Variants in VAC14 observed in about 807,000 individuals in gnomAD.
VAC14 encodes the protein protein VAC14 homolog.
A neutral mutation model predicts 85.3 loss-of-function variants in VAC14; 47 were observed. The ratio of observed to expected loss-of-function variants is 0.55; its 90% CI spans 0.44 to 0.70. VAC14 has a LOEUF of 0.70. VAC14 is among the 30% of genes least tolerant of loss of function. VAC14 has a pLI of 0.00. For synonymous variants in VAC14, 447 were observed against 430.5 expected (o/e 1.04, Z -0.47); for missense variants, 861 against 1,004.3 (o/e 0.86, Z 1.93).
chr16:70,689,330 C>G, intron 18 of VAC14: 1 of 985,454 alleles, frequency 1.0e-6, no homozygotes, highest in Non-Finnish European at 1.2e-6. Context: ...CAACGTGAGG[C>G]CAGCCGGGGC....
chr16:70,764,835 C>G (rs536693544), intron 10 of VAC14, among the ~76,000 whole-genome samples: 2 of 152,234 alleles, frequency 1.3e-5, no homozygotes, highest in African/African-American at 4.8e-5. Flanking sequence ...CAACAGTCCA[C>G]GCCAGGACTT....
chr16:70,694,675 T>C, intron 17 of VAC14, among the ~76,000 whole-genome samples: 1 of 152,226 alleles, frequency 6.6e-6, no homozygotes, highest in Non-Finnish European at 1.5e-5. Flanking sequence ...CCTCCTGGCT[T>C]CTCTGCACAT....
chr16:70,745,642 G>T (rs2030820603), intron 12 of VAC14, among the ~76,000 whole-genome samples: 1 of 152,196 alleles, frequency 6.6e-6, no homozygotes, highest in African/African-American at 2.4e-5. Flanking sequence ...GTGGTCGCCT[G>T]CTCTTTCTGC....
intron 18 of VAC14, chr16:70,691,560 T>C (rs1271900452): frequency 2.0e-6 from 2 of 985,376 alleles, no homozygotes; most frequent in African/African-American, 3.5e-5. Flanking sequence ...CTGGGGACAC[T>C]GCATCAGGTG....
At chr16:70,721,108 C>T (rs1332194735) in intron 14 of VAC14, among the ~76,000 whole-genome samples, 1 of 152,154 alleles carries the variant, frequency 6.6e-6, no homozygotes, top group East Asian at 1.9e-4. Flanking sequence ...GAGATTCAGA[C>T]CTGGAGAGAT....
Position 70,772,148 on chromosome 16 carries a change from G to C in VAC14, c.1121C>G (p.Ser374Cys). The C allele has an allele frequency of 6.2e-7, 1 of 1,614,130 alleles. No homozygotes were observed. Among genetic ancestry groups the C allele is most frequent in the Non-Finnish European group, 8.5e-7 (1 of 1,180,020 alleles). Residue 374 changes from serine to cysteine, a missense_variant, in exon 10 of 19, where the codon TCC becomes TGC. Ser to Cys is a moderately radical substitution (Grantham distance 112). Transcript: ENST00000261776. ...ASGGPDGSCDSSFSSGISVFT... is the reference protein window; with the variant it reads ...ASGGPDGSCDCSFSSGISVFT... ...GACACTGATGCCGCTACTGAAGCTG[G>C]AGTCACAGGAACCATCTGGACCTCC...
chr16:70,741,815 G>A (rs1172051890), intron 13 of VAC14, among the ~76,000 whole-genome samples: 1 of 152,222 alleles, frequency 6.6e-6, no homozygotes, highest in African/African-American at 2.4e-5. Context: ...CCATAGCCTC[G>A]TTCATGGCCT....
At chr16:70,711,346 G>A (rs554056164) in intron 14 of VAC14, among the ~76,000 whole-genome samples, 143 of 152,326 alleles carry the variant, frequency 9.4e-4, no homozygotes, top group Non-Finnish European at 1.3e-3. Context: ...GAGAGGATGG[G>A]TGGCAGCAGG....
In VAC14 at chr16:70,762,584, G is replaced by C. The variant is rs773245636; in HGVS notation, c.1327C>G (p.Leu443Val). Reference sequence around the variant, plus strand: ...AACGTCTGCAGTAGGATGGGAAAGAGGCTGTCCGTGTGCCGGAACATCTGG... The same window carrying C: ...AACGTCTGCAGTAGGATGGGAAAGACGCTGTCCGTGTGCCGGAACATCTGG... ...PRKMFRHTDS[L>V]FPILLQTLSD... Residue 443 changes from leucine to valine, a missense_variant, in exon 12 of 19, where the codon CTC becomes GTC. Leu to Val is a conservative substitution (Grantham distance 32). Coordinates refer to ENST00000261776, the MANE Select transcript of VAC14 (RefSeq NM_018052.5). The surrounding 1 kb of genome is among the most constrained non-coding windows in gnomAD (Gnocchi z 4.1). 1.9e-6 allele frequency: 3 copies of C among 1,614,178 alleles called. No homozygotes were observed. The highest frequency in any genetic ancestry group is 2.5e-6 in the Non-Finnish European group (3 of 1,180,010).
chr16:70,790,344 G>T (rs1268622318), intron 1 of VAC14, among the ~76,000 whole-genome samples: 1 of 152,126 alleles, frequency 6.6e-6, no homozygotes, highest in Non-Finnish European at 1.5e-5. Flanking sequence ...TGGTTTGGCA[G>T]AAAGAAAAGC....
At chr16:70,776,217 C>T (rs1414839407) in intron 9 of VAC14, among the ~76,000 whole-genome samples, 1 of 152,206 alleles carries the variant, frequency 6.6e-6, no homozygotes, top group African/African-American at 2.4e-5. Flanking sequence ...CCTCCTGCCT[C>T]AGTCTCCCAA....
intron 14 of VAC14, among the ~76,000 whole-genome samples, chr16:70,711,792 G>A (rs1189260201): frequency 6.6e-6 from 1 of 152,168 alleles, no homozygotes; most frequent in East Asian, 1.9e-4. Context: ...AACTGAGATG[G>A]CTTTCTCTAG....
At chr16:70,689,579 C>G in intron 18 of VAC14, 3 of 985,658 alleles carry the variant, frequency 3.0e-6, no homozygotes, top group Non-Finnish European at 3.6e-6. Flanking sequence ...CTCAGCTCTG[C>G]CTGCCCACAC....
chr16:70,776,395 C>A (rs560405368), intron 9 of VAC14, among the ~76,000 whole-genome samples: 1 of 152,200 alleles, frequency 6.6e-6, no homozygotes, highest in African/African-American at 2.4e-5. Flanking sequence ...CAGGCATGAG[C>A]CACTGCACCT....
At position 70,745,482 on chromosome 16, in the gene VAC14, A is replaced by AGTGTGTGT. The variant is rs145054065; in HGVS notation, c.1372-911_1372-904dup. On this transcript the variant is annotated intron_variant, in intron 12 of 18. Coordinates refer to ENST00000261776, the MANE Select transcript of VAC14 (RefSeq NM_018052.5). ...GACCTGCCCTGTTGGGAGGGGCTTC[A>AGTGTGTGT]GTGTGTGTGTGTGTGTGTGTGTGTG... Among the ~76,000 whole-genome samples the AGTGTGTGT allele has an allele frequency of 9.0e-3, 1,294 of 143,844 alleles. 17 individuals are homozygous for AGTGTGTGT. The highest frequency in any genetic ancestry group is 0.043 in the South Asian group (191 of 4,392). The allele number at this position is 143,844 out of a possible 152,430, so 94.4% of individuals were successfully genotyped here. A position where few individuals can be genotyped will look rare whatever the true frequency, so the allele number is the denominator to read the frequency against.
chr16:70,779,612 T>G (rs1257602413), intron 9 of VAC14, among the ~76,000 whole-genome samples: 1 of 152,156 alleles, frequency 6.6e-6, no homozygotes, highest in Non-Finnish European at 1.5e-5. Flanking sequence ...TAACAGATGT[T>G]TGCTAAATGT....
intron 9 of VAC14, among the ~76,000 whole-genome samples, chr16:70,774,014 A>T (rs1324906004): frequency 6.6e-6 from 1 of 151,478 alleles, no homozygotes; most frequent in Non-Finnish European, 1.5e-5. Context: ...GGCTCAAGTG[A>T]TCCACCCACC....
At chr16:70,748,413 G>C (rs983738132) in intron 12 of VAC14, among the ~76,000 whole-genome samples, 3 of 152,208 alleles carry the variant, frequency 2.0e-5, no homozygotes, top group Non-Finnish European at 4.4e-5. Context: ...ATGATGCCTG[G>C]GGGGGAGCCA....
chr16:70,708,614 T>C (rs1051644892), intron 14 of VAC14, among the ~76,000 whole-genome samples: 7 of 152,202 alleles, frequency 4.6e-5, no homozygotes, highest in Non-Finnish European at 7.3e-5. Context: ...CTATCCCACA[T>C]AGACACACCC....
Sources: gnomAD v4.1 joint callset for allele counts (sites outside exome capture counted in the v4.1 genomes callset) on GRCh38, gnomAD v4.1.1 for gene constraint, Gnocchi (gnomAD v3.1) non-coding constraint, MANE v1.5 for transcripts, NCBI Gene and HGNC (gene_info 2026-07-23, HGNC 2026-07-21) for gene names.